Variants in PDE1C observed in about 807,000 individuals in gnomAD.
PDE1C encodes the protein dual specificity calcium/calmodulin-dependent 3',5'-cyclic nucleotide phosphodiesterase 1C.
PDE1C carries 62 observed loss-of-function variants against 93.1 expected under a neutral mutation model. The observed-to-expected ratio is 0.67, with a 90% CI of 0.54 to 0.82. The LOEUF (loss-of-function observed/expected upper bound fraction) is 0.82. PDE1C is among the 40% of genes least tolerant of loss of function. PDE1C has a pLI of 0.00. For synonymous variants in PDE1C, 325 were observed against 310.1 expected, an observed-to-expected ratio of 1.05 and a Z score of -0.50; for missense variants, 742 against 884.6, an observed-to-expected ratio of 0.84 and a Z score of 2.04.
At chr7:32,031,771 G>A (rs761412744) in intron 2 of PDE1C, among the ~76,000 whole-genome samples, 2 of 152,156 alleles carry the variant, frequency 1.3e-5, no homozygotes, top group Non-Finnish European at 2.9e-5. Flanking sequence ...GTGAGGTATG[G>A]AAAGTAGGAG....
At chr7:32,046,253 A>C (rs186780585) in intron 2 of PDE1C, among the ~76,000 whole-genome samples, 1 of 152,054 alleles carries the variant, frequency 6.6e-6, no homozygotes, top group Non-Finnish European at 1.5e-5. Flanking sequence ...CAAAACATAC[A>C]TTTTTAAAAT....
At chr7:31,992,715 CATA>C (rs761877979) in intron 2 of PDE1C, among the ~76,000 whole-genome samples, 8 of 152,166 alleles carry the variant, frequency 5.3e-5, no homozygotes, top group Non-Finnish European at 7.3e-5. Context: ...ATTATAGCTG[CATA>C]ATAATATAGT....
chr7:31,628,115 C>T, the PDE1C span, among the ~76,000 whole-genome samples: 1 of 152,172 alleles, frequency 6.6e-6, no homozygotes, highest in Non-Finnish European at 1.5e-5. Context: ...AGAGAGACCT[C>T]TCAAAAAGAG....
At chr7:32,205,349 C>T (rs1805354093) in intron 2 of PDE1C, among the ~76,000 whole-genome samples, 1 of 152,208 alleles carries the variant, frequency 6.6e-6, no homozygotes, top group Non-Finnish European at 1.5e-5. Context: ...GTGAATCTGG[C>T]TGGGCTTCTG....
rs571960035 is a variant in PDE1C, at chr7:31,892,815, C to T, written c.129-11955G>A. 6.6e-5 allele frequency among the ~76,000 whole-genome samples: 10 copies of T among 152,186 alleles called. No homozygotes were observed. In the East Asian group the frequency reaches 1.7e-3, roughly 26 times the overall value. On this transcript the variant is annotated intron_variant, in intron 2 of 17. Coordinates refer to ENST00000396191, the MANE Select transcript of PDE1C (RefSeq NM_001191057.4). Reference sequence around the variant, plus strand: ...CAAAGGGTACAAAGTTCCAGTTACACAGAAGGAATAAGTTCTGGTAATCTG... The same window carrying T: ...CAAAGGGTACAAAGTTCCAGTTACATAGAAGGAATAAGTTCTGGTAATCTG...
At chr7:32,086,121 A>T (rs1469448555) in intron 3 of PDE1C, among the ~76,000 whole-genome samples, 3 of 148,026 alleles carry the variant, frequency 2.0e-5, no homozygotes, top group Non-Finnish European at 3.0e-5. Context: ...TTTCAGCCCA[A>T]AATCTCCTTA....
At chr7:32,038,857 C>T (rs931375170) in intron 2 of PDE1C, among the ~76,000 whole-genome samples, 7 of 152,146 alleles carry the variant, frequency 4.6e-5, no homozygotes, top group Non-Finnish European at 1.0e-4. Flanking sequence ...AATAATGATG[C>T]TAAATGGGAA....
At chr7:32,138,702 G>A (rs560997941) in intron 3 of PDE1C, among the ~76,000 whole-genome samples, 1 of 152,256 alleles carries the variant, frequency 6.6e-6, no homozygotes, top group East Asian at 1.9e-4. Context: ...TGCAAATGTA[G>A]TTTTGTTTGT....
At chr7:32,138,183 CCATA>C (rs2128777892) in intron 3 of PDE1C, among the ~76,000 whole-genome samples, 1 of 151,920 alleles carries the variant, frequency 6.6e-6, no homozygotes, top group South Asian at 2.1e-4. Flanking sequence ...GAAACATGTG[CCATA>C]TATATTTAGT....
intron 16 of PDE1C, chr7:31,784,953 C>T (rs1053448706): frequency 6.6e-6 from 1 of 152,064 alleles, no homozygotes; most frequent in Non-Finnish European, 1.5e-5. Flanking sequence ...CACTCAAAGA[C>T]AAGGACAGTA....
intron 1 of PDE1C, among the ~76,000 whole-genome samples, chr7:32,271,302 GT>G (rs1810945790): frequency 6.6e-6 from 1 of 152,162 alleles, no homozygotes; most frequent in African/African-American, 2.4e-5. Context: ...CTTTTTGTTT[GT>G]TTTTTAACTT....
chr7:31,762,481 A>G (rs1392330442), intron 17 of PDE1C, among the ~76,000 whole-genome samples: 1 of 152,116 alleles, frequency 6.6e-6, no homozygotes, highest in Admixed American at 6.6e-5. Flanking sequence ...CTGGGATTAC[A>G]GAAGCATCCC....
chr7:31,712,378 G>A, the PDE1C span, among the ~76,000 whole-genome samples: 2 of 152,198 alleles, frequency 1.3e-5, no homozygotes, highest in African/African-American at 2.4e-5. Context: ...GGAACACAAG[G>A]TTACTTACTC....
At chr7:31,905,223 G>A (rs1319045085) in intron 2 of PDE1C, among the ~76,000 whole-genome samples, 1 of 152,108 alleles carries the variant, frequency 6.6e-6, no homozygotes, top group Non-Finnish European at 1.5e-5. Flanking sequence ...AAACATAAGA[G>A]AGAACATCTG....
upstream of PDE1C, among the ~76,000 whole-genome samples, chr7:32,304,025 T>C (rs578211107): frequency 6.6e-6 from 1 of 152,322 alleles, no homozygotes; most frequent in African/African-American, 2.4e-5. Flanking sequence ...CCAGAACAAC[T>C]ATTTTTAATT....
At chr7:31,774,142 GA>G (rs11302614) in intron 17 of PDE1C, among the ~76,000 whole-genome samples, 50,871 of 151,058 alleles carry the variant, frequency 0.34, 8,985 homozygotes, top group African/African-American at 0.43. Flanking sequence ...GTACAACCAA[GA>G]AAAAAAAATG....
chr7:32,086,884 C>T (rs1057354631), intron 3 of PDE1C, among the ~76,000 whole-genome samples: 2 of 151,410 alleles, frequency 1.3e-5, no homozygotes, highest in East Asian at 1.9e-4. Flanking sequence ...CATGTTAGAC[C>T]TAAAACCATA....
the PDE1C span, among the ~76,000 whole-genome samples, chr7:31,730,168 T>C: frequency 6.6e-6 from 1 of 152,208 alleles, no homozygotes; most frequent in African/African-American, 2.4e-5. Flanking sequence ...ATATTCCTCT[T>C]GGTAGCTGCG....
chr7:31,703,199 A>G, the PDE1C span, among the ~76,000 whole-genome samples: 1 of 152,208 alleles, frequency 6.6e-6, no homozygotes, highest in Non-Finnish European at 1.5e-5. Flanking sequence ...AGTTCCTTCC[A>G]TTCTCTGTTC....
Sources: allele counts gnomAD v4.1 joint callset (sites outside exome capture counted in the v4.1 genomes callset), GRCh38; gene constraint gnomAD v4.1.1; transcripts MANE v1.5; gene names NCBI Gene and HGNC (gene_info 2026-07-23, HGNC 2026-07-21).